The following CALM2 variants were observed in gnomAD, a reference collection of about 807,000 sequenced individuals.
CALM2 encodes calmodulin 2.
CALM2 carries 2 observed loss-of-function variants against 19.8 expected under a neutral mutation model. That is an observed-to-expected ratio of 0.10 (90% CI 0.04 to 0.32). CALM2 has a LOEUF of 0.32. CALM2 is among the 10% of genes least tolerant of loss of function. The pLI is 1.00. For missense variants in CALM2, 38 were observed against 178.7 expected (o/e 0.21, Z 4.49); for synonymous variants, 51 against 52.1 (o/e 0.98, Z 0.09).
intron 5 of CALM2, 46 bp from the exon 6 acceptor site, chr2:47,160,850 C>CAA (rs55773607): frequency 0.026 from 9,596 of 368,360 alleles, 376 homozygotes; most frequent in African/African-American, 0.14. Flanking sequence ...AGCAAAAGAC[C>CAA]AAAAAAAAAA....
At chr2:47,169,195 C>T (rs533984352) in intron 2 of CALM2, among the ~76,000 whole-genome samples, 79 of 152,218 alleles carry the variant, frequency 5.2e-4, no homozygotes, top group African/African-American at 1.8e-3. Flanking sequence ...GGTACCTGTA[C>T]CTGACTGGGA....
chr2:47,168,218 A>G (rs1229766417), intron 2 of CALM2, among the ~76,000 whole-genome samples: 1 of 152,162 alleles, frequency 6.6e-6, no homozygotes, highest in Non-Finnish European at 1.5e-5. Flanking sequence ...CCTCTGCCCT[A>G]AATCTTAACT....
At chr2:47,175,681 C>T (rs1573234442) in intron 1 of CALM2, among the ~76,000 whole-genome samples, 1 of 151,244 alleles carries the variant, frequency 6.6e-6, no homozygotes, top group South Asian at 2.1e-4. Flanking sequence ...CGTCGAGGCC[C>T]CCCTCCCCCG....
At chr2:47,162,496 G>GC (rs749244048) in intron 3 of CALM2, 23 bp downstream of exon 3, 1 of 1,613,798 alleles carries the variant, frequency 6.2e-7, no homozygotes, top group South Asian at 1.1e-5. Context: ...ACCCCTCCCA[G>GC]CCCCACAAAA....
chr2:47,174,279 G>A (rs141120971), intron 1 of CALM2: 3 of 151,992 alleles, frequency 2.0e-5, no homozygotes, highest in Admixed American at 1.3e-4. Flanking sequence ...TTGAGAGACA[G>A]GGTCTCACTC....
At chr2:47,162,120 T>C (rs1474839855) in intron 4 of CALM2, among the ~76,000 whole-genome samples, 166 bp downstream of exon 4, 15 of 132,802 alleles carry the variant, frequency 1.1e-4, no homozygotes, top group Admixed American at 6.6e-4. Context: ...AAGTCTATAC[T>C]GAATTCTTAA....
chr2:47,173,983 T>A (rs571435326), intron 1 of CALM2: 9 of 152,332 alleles, frequency 5.9e-5, no homozygotes, highest in African/African-American at 2.2e-4. Context: ...AAGCTAGAGC[T>A]TTCTATATTT....
chr2:47,176,647 T>A, upstream of CALM2: 11 of 1,477,070 alleles, frequency 7.4e-6, no homozygotes, highest in Non-Finnish European at 9.9e-6. Context: ...GACCCCTTTC[T>A]TCACAGTTAT....
At chr2:47,175,511 G>T (rs1359153596) in intron 1 of CALM2, among the ~76,000 whole-genome samples, 1 of 152,162 alleles carries the variant, frequency 6.6e-6, no homozygotes. Context: ...GATGTGTATT[G>T]CGAGGACGCG....
At position 47,170,722 on chromosome 2, in the gene CALM2, A is replaced by G. The variant is rs1346395540; in HGVS notation, c.34+12T>C. 18 of 1,606,054 alleles carry G rather than the reference A, an allele frequency of 1.1e-5. No homozygotes were observed. The highest frequency in any genetic ancestry group is 1.4e-5 in the Non-Finnish European group (17 of 1,172,758). ...GAATCTAATGGGTACAATCTAGCTG[A>G]GTATTTCTCACCTGCAATCTGCTCT... On this transcript the variant is annotated intron_variant, in intron 2 of 5. Coordinates refer to ENST00000272298, the MANE Select transcript of CALM2 (RefSeq NM_001743.6).
intron 1 of CALM2, among the ~76,000 whole-genome samples, chr2:47,175,994 G>A (rs915139925): frequency 1.3e-5 from 2 of 152,044 alleles, no homozygotes; most frequent in South Asian, 2.1e-4. Context: ...CATGGCGGCC[G>A]CAAGCGGACA....
chr2:47,164,431 A>C (rs1214580500), intron 2 of CALM2, among the ~76,000 whole-genome samples: 6 of 141,624 alleles, frequency 4.2e-5, no homozygotes, highest in Non-Finnish European at 9.1e-5. Context: ...GTCTCTATTA[A>C]AACACAAACA....
upstream of CALM2, chr2:47,176,861 A>T: frequency 2.0e-6 from 2 of 985,394 alleles, no homozygotes; most frequent in Non-Finnish European, 2.4e-6. Context: ...GCAATGCGTC[A>T]CTGGGACTCG....
intron 1 of CALM2, chr2:47,173,450 T>C (rs891755486): frequency 2.6e-5 from 4 of 152,234 alleles, no homozygotes; most frequent in Non-Finnish European, 4.4e-5. Context: ...TAGGCATTAG[T>C]ATACTCTCAG....
Position 47,162,919 on chromosome 2 carries a change from T to C in CALM2, c.35-257A>G, listed in dbSNP as rs17036325. On this transcript the variant is annotated intron_variant, in intron 2 of 5. Transcript: ENST00000272298. ...ATTAACCAATCTTTATGATACCTTA[T>C]GATAATATTTCAAATATATCTTTGA... 43,093 of 329,162 alleles carry C rather than the reference T, an allele frequency of 0.13. 3,490 individuals carry two copies. The highest frequency in any genetic ancestry group is 0.26 in the African/African-American group (12,018 of 46,370). The allele number at this position is 329,162 out of a possible 1,614,324, so 20.4% of individuals were successfully genotyped here. A position where few individuals can be genotyped will look rare whatever the true frequency, so the allele number is the denominator to read the frequency against.
At chr2:47,175,563 A>C (rs1206459167) in intron 1 of CALM2, among the ~76,000 whole-genome samples, 1 of 152,194 alleles carries the variant, frequency 6.6e-6, no homozygotes, top group Non-Finnish European at 1.5e-5. Context: ...TCAACGACAG[A>C]CACTTTAAAA....
intron 2 of CALM2, among the ~76,000 whole-genome samples, chr2:47,166,245 C>T (rs991134709): frequency 1.3e-5 from 2 of 152,180 alleles, no homozygotes; most frequent in African/African-American, 4.8e-5. Flanking sequence ...AGACACATTG[C>T]ACCTTTCACC....
At chr2:47,169,069 C>T (rs568525352) in intron 2 of CALM2, among the ~76,000 whole-genome samples, 6 of 152,192 alleles carry the variant, frequency 3.9e-5, no homozygotes, top group African/African-American at 1.4e-4. Flanking sequence ...CCACTGCGCC[C>T]GGCCAACAAA....
chr2:47,162,059 A>G (rs1179140747), intron 4 of CALM2, among the ~76,000 whole-genome samples: 1 of 151,888 alleles, frequency 6.6e-6, no homozygotes, highest in Non-Finnish European at 1.5e-5. Flanking sequence ...TCCTAGTCCC[A>G]AAGTCAAGTG....
Sources: gnomAD v4.1 joint callset for allele counts (sites outside exome capture counted in the v4.1 genomes callset) on GRCh38, gnomAD v4.1.1 for gene constraint, MANE v1.5 for transcripts, NCBI Gene and HGNC (gene_info 2026-07-23, HGNC 2026-07-21) for gene names.